Variants in CTSB observed in about 807,000 individuals in gnomAD.
CTSB encodes the protein cathepsin B, also known as APP secretase.
In CTSB, 57 loss-of-function variants were observed where a neutral mutation model predicts 44.3. The ratio of observed to expected loss-of-function variants is 1.29; its 90% CI spans 1.04 to 1.60. CTSB has a LOEUF of 1.60. Ranked by LOEUF, CTSB falls within the 40% of genes most tolerant of loss-of-function variation. CTSB has a pLI of 0.00. For missense variants in CTSB, 768 were observed against 443.0 expected (o/e 1.73, Z -6.59); for synonymous variants, 320 against 168.0 (o/e 1.91, Z -7.00).
At chr8:11,847,312 A>G in intron 7 of CTSB, 144 bp from the exon 8 acceptor site, 2 of 663,040 alleles carry the variant, frequency 3.0e-6, no homozygotes, top group Admixed American at 2.4e-5. Flanking sequence ...AGCTCAAGGA[A>G]GGCTCCCCTG....
intron 8 of CTSB, chr8:11,846,296 TGGGGAAATCACTGTCAAA>T (rs1390947577): frequency 6.6e-6 from 1 of 152,130 alleles, no homozygotes; most frequent in African/African-American, 2.4e-5. Context: ...GGCTCTCGGG[TGGGGAAATCACTGTCAAA>T]GTGGAAATGC....
intron 1 of CTSB, among the ~76,000 whole-genome samples, chr8:11,854,146 G>C (rs561360324): frequency 6.6e-6 from 1 of 152,302 alleles, no homozygotes; most frequent in East Asian, 1.9e-4. Context: ...GTGCTTTCCA[G>C]CTTGAACTCT....
intron 8 of CTSB, chr8:11,846,354 C>T (rs748508386): frequency 1.3e-5 from 2 of 152,374 alleles, no homozygotes; most frequent in Non-Finnish European, 2.9e-5. Context: ...GAGGACTATG[C>T]TAAGAAGTGC....
intron 9 of CTSB, among the ~76,000 whole-genome samples, 172 bp from the exon 10 acceptor site, chr8:11,845,394 G>A (rs1372695868): frequency 1.3e-5 from 2 of 152,226 alleles, no homozygotes; most frequent in Admixed American, 6.5e-5. Context: ...ACCTCCACGG[G>A]CAAGCCCCCT....
In CTSB at chr8:11,844,203, C is replaced by G. The variant is rs1812794486; in HGVS notation, c.*922G>C. 3 of 152,108 alleles carry G rather than the reference C, an allele frequency of 2.0e-5. No individual in the cohort carries two copies. The highest frequency in any genetic ancestry group is 2.0e-4 in the Admixed American group (3 of 15,274). 9.4% of individuals were successfully genotyped at this position (152,108 alleles called of 1,614,324 possible). ...GCAGCGAGAAGTTAAGATGAAGTCC[C>G]AAGAGTCGCAAGAACATGCAGTTCC... On this transcript the variant is annotated 3_prime_UTR_variant, in exon 10 of 10. Coordinates refer to ENST00000353047, the MANE Select transcript of CTSB (RefSeq NM_001908.5).
At chr8:11,864,704 C>T (rs770547476) in intron 1 of CTSB, among the ~76,000 whole-genome samples, 1 of 152,066 alleles carries the variant, frequency 6.6e-6, no homozygotes, top group Non-Finnish European at 1.5e-5. Flanking sequence ...CACCTGTAAT[C>T]CCAACACTTT....
intron 8 of CTSB, 86 bp downstream of exon 8, chr8:11,846,966 G>C (rs979546147): frequency 4.0e-6 from 3 of 752,198 alleles, no homozygotes; most frequent in South Asian, 1.4e-5. Context: ...GCCCAATCCA[G>C]CCCTATTGGT....
chr8:11,849,010 G>A, intron 5 of CTSB, 36 bp downstream of exon 5: 2 of 1,519,010 alleles, frequency 1.3e-6, no homozygotes, highest in Non-Finnish European at 1.8e-6. Flanking sequence ...GGGTCTCTCA[G>A]CACTAAACCC....
chr8:11,852,588 G>C (rs773233557), intron 3 of CTSB, 22 bp downstream of exon 3: 2 of 1,593,682 alleles, frequency 1.3e-6, no homozygotes, highest in Middle Eastern at 1.7e-4. Context: ...CATTACAGCG[G>C]TGCAGAGGAG....
At chr8:11,861,574 G>A (rs765189318) in intron 1 of CTSB, 3 of 152,218 alleles carry the variant, frequency 2.0e-5, no homozygotes, top group Admixed American at 6.5e-5. Context: ...ACACTACGAA[G>A]GCCCTCAGCA....
intron 4 of CTSB, 74 bp downstream of exon 4, chr8:11,850,792 C>G: frequency 9.3e-7 from 1 of 1,075,994 alleles, no homozygotes; most frequent in Non-Finnish European, 1.4e-6. Flanking sequence ...GTCCCCACCC[C>G]GAATCCCCCA....
In CTSB at chr8:11,844,250, A is replaced by C. The variant is rs1169155219; in HGVS notation, c.*875T>G. 5.3e-5 allele frequency: 8 copies of C among 152,244 alleles called. No homozygotes were observed. Among genetic ancestry groups the C allele is most frequent in the Non-Finnish European group, 7.3e-5 (5 of 68,056 alleles). The allele number at this position is 152,244 out of a possible 1,614,324, so 9.4% of individuals were successfully genotyped here. ...TTCCAGGACGTGATTCTCTGCAGGGACAAAGAGAGACAGCAGCTACAAGTC... is the reference window on the plus strand; with the variant it reads ...TTCCAGGACGTGATTCTCTGCAGGGCCAAAGAGAGACAGCAGCTACAAGTC... On this transcript the variant is annotated 3_prime_UTR_variant, in exon 10 of 10. Coordinates refer to ENST00000353047, the MANE Select transcript of CTSB (RefSeq NM_001908.5).
At chr8:11,864,821 G>C (rs1210887701) in intron 1 of CTSB, among the ~76,000 whole-genome samples, 2 of 151,842 alleles carry the variant, frequency 1.3e-5, no homozygotes, top group African/African-American at 4.8e-5. Context: ...GGCTGAGGCA[G>C]GAACATTGCT....
chr8:11,845,770 G>C lies in CTSB; in HGVS notation c.813C>G (p.Thr271=). Residue 271 remains threonine (T), a synonymous_variant, in exon 9 of 10, where the codon ACC becomes ACG. Transcript: ENST00000353047. Reference sequence around the variant, plus strand: ...TGGCATGGCCACCCATCATCTCTCCGGTGACGTGTTGGTACACTCCTGAAA... The same window carrying C: ...TGGCATGGCCACCCATCATCTCTCCCGTGACGTGTTGGTACACTCCTGAAA... ...LYKSGVYQHV[T]GEMMGGHAIR... 1 of 1,613,874 alleles carries C rather than the reference G, an allele frequency of 6.2e-7. No individual in the cohort carries two copies. The highest frequency in any genetic ancestry group is 1.1e-5 in the South Asian group (1 of 91,044).
In CTSB at chr8:11,845,620, C is replaced by T. The variant is rs539668581; in HGVS notation, c.922+41G>A. 90 of 1,599,348 alleles carry T rather than the reference C, an allele frequency of 5.6e-5. No individual in the cohort carries two copies. In the South Asian group the frequency reaches 8.5e-4, roughly 15 times the overall value. ...GCCGAGATGGCCACGGGGTGTGGCT[C>T]ACAATTCACTGTTCTTGGCAGGAAG... is the stretch of plus-strand genomic sequence containing the variant. On this transcript the variant is annotated intron_variant, in intron 9 of 9. Transcript: ENST00000353047.
rs1037660173 is a variant in CTSB, at chr8:11,843,314, G to C, written c.*1811C>G. The C allele has an allele frequency of 1.3e-5, 2 of 152,156 alleles. No individual in the cohort carries two copies. The highest frequency in any genetic ancestry group is 2.4e-5 in the African/African-American group (1 of 41,426). The allele number at this position is 152,156 out of a possible 1,614,324, so 9.4% of individuals were successfully genotyped here. A position where few individuals can be genotyped will look rare whatever the true frequency, so the allele number is the denominator to read the frequency against. On this transcript the variant is annotated 3_prime_UTR_variant, in exon 10 of 10. Coordinates refer to ENST00000353047, the MANE Select transcript of CTSB (RefSeq NM_001908.5). ...TCCTACAATGTTCCTCAGATTTTCA[G>C]AGCTTATTTGATCTAGCATCTGGTT... is the stretch of plus-strand genomic sequence containing the variant.
chr8:11,846,382 T>C (rs1000261257), intron 8 of CTSB: 2 of 152,356 alleles, frequency 1.3e-5, no homozygotes, highest in African/African-American at 4.8e-5. Flanking sequence ...ACAGAAACTT[T>C]TTCTTGCCAG....
rs375880637 is a variant in CTSB, at chr8:11,850,961, G to T, written c.232C>A (p.Leu78Met). Residue 78 changes from leucine to methionine, a missense_variant, in exon 4 of 10, where the codon CTG (leucine) becomes ATG (methionine). Coordinates refer to ENST00000353047, the MANE Select transcript of CTSB (RefSeq NM_001908.5). The stretch of plus-strand genomic sequence containing the variant: ...GCATCGAAGCTTGCAGGCAGCTTCA[G>T]GTCCTCGGTAAACATAACTCTGGAT... ...PPQRVMFTED[L>M]KLPASFDARE... 2.5e-6 allele frequency: 4 copies of T among 1,612,682 alleles called. No homozygotes were observed. The highest frequency in any genetic ancestry group is 2.7e-5 in the African/African-American group (2 of 74,882).
intron 1 of CTSB, among the ~76,000 whole-genome samples, chr8:11,855,713 G>A (rs187699890): frequency 6.6e-6 from 1 of 152,108 alleles, no homozygotes; most frequent in Non-Finnish European, 1.5e-5. Flanking sequence ...ACTACAAATG[G>A]CCAACACAGA....
Sources: allele counts gnomAD v4.1 joint callset (sites outside exome capture counted in the v4.1 genomes callset), GRCh38; gene constraint gnomAD v4.1.1; transcripts MANE v1.5; gene names NCBI Gene and HGNC (gene_info 2026-07-23, HGNC 2026-07-21).